ADGRD1: variants seen among roughly 807,000 people sequenced by gnomAD.
The protein encoded by ADGRD1 is G-protein coupled receptor 133.
In ADGRD1, 77 loss-of-function variants were observed where a neutral mutation model predicts 113.4. The ratio of observed to expected loss-of-function variants is 0.68; its 90% confidence interval spans 0.57 to 0.82. ADGRD1 has a LOEUF of 0.82. Ranked by LOEUF, ADGRD1 falls within the 40% of genes least tolerant of loss-of-function variation. The pLI, the probability that ADGRD1 is intolerant of heterozygous loss-of-function variation, is 0.00. For synonymous variants in ADGRD1, 474 were observed against 475.0 expected, an observed-to-expected ratio of 1.00 and a Z score of 0.03; for missense variants, 1,036 against 1,139.1, an observed-to-expected ratio of 0.91 and a Z score of 1.30.
intron 8 of ADGRD1, chr12:130,994,298 T>G: frequency 6.8e-6 from 3 of 444,196 alleles, no homozygotes; most frequent in Non-Finnish European, 1.4e-5. Flanking sequence ...AACACTCTTG[T>G]TTTTGTTGAG....
chr12:131,050,041 C>T lies in ADGRD1; in HGVS notation c.1474-26760C>T, dbSNP rs546654476. Reference sequence around the variant, plus strand: ...GGCCCTCTACCTGGGAAACTGGGCACGAATGCTTCTCTTGCATAGTGCTTG... The same window carrying T: ...GGCCCTCTACCTGGGAAACTGGGCATGAATGCTTCTCTTGCATAGTGCTTG... On this transcript the variant is annotated intron_variant, in intron 13 of 24. Transcript: ENST00000261654. This position sits in a 1 kb window ranked among gnomAD's most constrained non-coding sequence, Gnocchi z 4.8. Among the ~76,000 whole-genome samples the T allele has an allele frequency of 3.3e-5, 5 of 152,298 alleles. No homozygotes were observed. The highest frequency in any genetic ancestry group is 7.3e-5 in the Non-Finnish European group (5 of 68,038).
In ADGRD1 at chr12:131,131,913, G is replaced by T. The variant is rs1950940099; in HGVS notation, c.2267+97G>T. On this transcript the variant is annotated intron_variant, in intron 21 of 24. Transcript: ENST00000261654. ...GAGATAGCCACTCCTGCCTCCTGTG[G>T]CCGGCACCAAAGTCCTCCACTTGCT... 5.0e-6 allele frequency: 4 copies of T among 795,424 alleles called. No homozygotes were observed. The Admixed American group carries it at 5.9e-5, about 12-fold the overall frequency. The allele number at this position is 795,424 out of a possible 1,614,324, so 49.3% of individuals were successfully genotyped here. A position where few individuals can be genotyped will look rare whatever the true frequency, so the allele number is the denominator to read the frequency against.
Position 131,130,450 on chromosome 12 carries a change from A to C in ADGRD1, c.2176-1275A>C, listed in dbSNP as rs1372345170. Reference sequence around the variant, plus strand: ...CCCCACCACGCACCACTCTCTCCCAAAGAACAGCACCAGGAGGGTCTGAAG... The same window carrying C: ...CCCCACCACGCACCACTCTCTCCCACAGAACAGCACCAGGAGGGTCTGAAG... On this transcript the variant is annotated intron_variant, in intron 20 of 24. Coordinates refer to ENST00000261654, the MANE Select transcript of ADGRD1 (RefSeq NM_198827.5). Among the ~76,000 whole-genome samples the C allele has an allele frequency of 1.5e-4, 23 of 152,200 alleles. 1 individual carries two copies. Among genetic ancestry groups the C allele is most frequent in the Non-Finnish European group, 3.4e-4 (23 of 68,026 alleles).
chr12:131,100,803 G>A (rs147556064), intron 15 of ADGRD1, among the ~76,000 whole-genome samples: 39 of 152,300 alleles, frequency 2.6e-4, no homozygotes, highest in Middle Eastern at 3.4e-3. Flanking sequence ...AGTGTGCAGC[G>A]AACTCTCATG....
chr12:130,959,851 T>C (rs1201779770), intron 2 of ADGRD1, among the ~76,000 whole-genome samples: 1 of 152,198 alleles, frequency 6.6e-6, no homozygotes, highest in Non-Finnish European at 1.5e-5. Flanking sequence ...TCTGTGACCA[T>C]AGATGGTCAT....
chr12:131,001,800 C>G (rs1876423033), intron 9 of ADGRD1, among the ~76,000 whole-genome samples: 1 of 152,134 alleles, frequency 6.6e-6, no homozygotes, highest in Admixed American at 6.6e-5. Flanking sequence ...CTGCCTTGGC[C>G]CAGAAGGGTC....
At chr12:130,983,672 G>A (rs1035809544) in intron 5 of ADGRD1, among the ~76,000 whole-genome samples, 2 of 152,116 alleles carry the variant, frequency 1.3e-5, no homozygotes, top group Non-Finnish European at 2.9e-5. Flanking sequence ...CAAACTCAGG[G>A]GCAATAATAC....
intron 20 of ADGRD1, among the ~76,000 whole-genome samples, chr12:131,128,252 G>A (rs1950797712): frequency 6.6e-6 from 1 of 151,400 alleles, no homozygotes; most frequent in South Asian, 2.1e-4. Context: ...GAGCTCAGGT[G>A]GGGTGTTGGT....
rs1489915707 is a variant in ADGRD1 at position 131,057,316 on chromosome 12, A to T, written c.1474-19485A>T. ...CCTAATGTGTTGAGACACGCCGCGGACCAGAGAATGCTTGGAAGGGGAACG... is the reference window on the plus strand; with the variant it reads ...CCTAATGTGTTGAGACACGCCGCGGTCCAGAGAATGCTTGGAAGGGGAACG... On this transcript the variant is annotated intron_variant, in intron 13 of 24. Transcript: ENST00000261654. The surrounding 1 kb of genome is among the most constrained non-coding windows in gnomAD (Gnocchi z 4.2). Among the ~76,000 whole-genome samples, 1 of 152,120 alleles carries T rather than the reference A, an allele frequency of 6.6e-6. No homozygotes were observed. Among genetic ancestry groups the T allele is most frequent in the Non-Finnish European group, 1.5e-5 (1 of 68,034 alleles).
At chr12:131,061,728 A>G (rs930675778) in intron 13 of ADGRD1, among the ~76,000 whole-genome samples, 10 of 152,180 alleles carry the variant, frequency 6.6e-5, no homozygotes, top group African/African-American at 2.4e-4. Flanking sequence ...TCATGGAATC[A>G]CCACTGAAAT....
At chr12:131,029,835 GATTA>G (rs774332821) in intron 13 of ADGRD1, among the ~76,000 whole-genome samples, 4 of 100,416 alleles carry the variant, frequency 4.0e-5, no homozygotes, top group African/African-American at 1.4e-4. Flanking sequence ...CAGGCTCTGG[GATTA>G]GGTTGCGGAC....
In ADGRD1 at chr12:130,966,344, C is replaced by T. The variant is rs1391809138; in HGVS notation, c.104-119C>T. On this transcript the variant is annotated intron_variant, in intron 2 of 24. Transcript: ENST00000261654. This position sits in a 1 kb window ranked among gnomAD's most constrained non-coding sequence, Gnocchi z 4.6. ...ATTTTATTAAATATGCTTTCAGTAT[C>T]TCCCACAGACATGGGATCCTTTTAC... The T allele has an allele frequency of 1.5e-6, 1 of 647,462 alleles. No homozygotes were observed. The highest frequency in any genetic ancestry group is 2.8e-6 in the Non-Finnish European group (1 of 357,318). 40.1% of individuals were successfully genotyped at this position (647,462 alleles called of 1,614,324 possible). A position where few individuals can be genotyped will look rare whatever the true frequency, so the allele number is the denominator to read the frequency against.
At chr12:131,119,551 A>G (rs1156953169) in intron 19 of ADGRD1, among the ~76,000 whole-genome samples, 1 of 152,198 alleles carries the variant, frequency 6.6e-6, no homozygotes, top group Non-Finnish European at 1.5e-5. Context: ...GCCTTTTCCC[A>G]CACTCATGCC....
chr12:131,052,005 A>C (rs556226774), intron 13 of ADGRD1, among the ~76,000 whole-genome samples: 34 of 152,298 alleles, frequency 2.2e-4, no homozygotes, highest in Non-Finnish European at 3.2e-4. Flanking sequence ...GCTTATGTTG[A>C]GATCTCCTCC....
intron 13 of ADGRD1, chr12:131,069,101 C>A (rs1303589188): frequency 1.3e-5 from 2 of 152,190 alleles, no homozygotes; most frequent in Admixed American, 6.5e-5. Flanking sequence ...TGTGGATCGT[C>A]CCCCCGACCC....
intron 13 of ADGRD1, among the ~76,000 whole-genome samples, chr12:131,018,329 G>T (rs565536553): frequency 6.6e-6 from 1 of 152,196 alleles, no homozygotes; most frequent in African/African-American, 2.4e-5. Context: ...CCTTCACGCC[G>T]GGATGAGGGG....
chr12:131,087,237 T>C (rs776097050), intron 15 of ADGRD1, among the ~76,000 whole-genome samples: 17 of 152,184 alleles, frequency 1.1e-4, no homozygotes, highest in Non-Finnish European at 1.8e-4. Flanking sequence ...TCTGTAGAGA[T>C]GGGGCCTCAC....
In ADGRD1 at chr12:131,127,805, T is replaced by C. The variant is rs1226659225; in HGVS notation, c.2176-3920T>C. 2.2e-5 allele frequency among the ~76,000 whole-genome samples: 3 copies of C among 138,490 alleles called. No homozygotes were observed. The East Asian group carries it at 6.7e-4, about 31-fold the overall frequency. 90.9% of individuals were successfully genotyped at this position (138,490 alleles called of 152,430 possible). ...TGTTGGTTGTGATGGGACCCTGAGC[T>C]CAGGTGAGGTGTTGGTTGTGTTGGT... On this transcript the variant is annotated intron_variant, in intron 20 of 24. Coordinates refer to ENST00000261654, the MANE Select transcript of ADGRD1 (RefSeq NM_198827.5).
intron 13 of ADGRD1, among the ~76,000 whole-genome samples, chr12:131,064,081 T>C (rs1163443066): frequency 6.6e-6 from 1 of 152,240 alleles, no homozygotes; most frequent in Non-Finnish European, 1.5e-5. Context: ...AGTTTCTTTC[T>C]GGATTCCTTG....
Sources: allele counts gnomAD v4.1 joint callset (sites outside exome capture counted in the v4.1 genomes callset), GRCh38; gene constraint gnomAD v4.1.1; non-coding constraint Gnocchi (gnomAD v3.1); transcripts MANE v1.5; gene names NCBI Gene and HGNC (gene_info 2026-07-23, HGNC 2026-07-21).